The following TPTE2 variants were observed in gnomAD, a reference collection of about 807,000 sequenced individuals.
TPTE2 encodes the protein phosphatidylinositol 3,4,5-trisphosphate 3-phosphatase TPTE2.
In TPTE2, 53 loss-of-function variants were observed where a neutral mutation model predicts 78.6. The observed-to-expected ratio is 0.67, with a 90% CI of 0.54 to 0.85. TPTE2 has a LOEUF of 0.85. TPTE2 is among the 40% of genes least tolerant of loss of function. The pLI is 0.00. For synonymous variants in TPTE2, 175 were observed against 206.2 expected (o/e 0.85, Z 1.30); for missense variants, 461 against 623.0 (o/e 0.74, Z 2.77).
the TPTE2 span, chr13:19,561,153 C>T: frequency 6.3e-7 from 1 of 1,595,256 alleles, no homozygotes; most frequent in South Asian, 1.1e-5. Context: ...GGGGCCAGGG[C>T]CACAGGAGGC....
At chr13:19,493,713 A>G in intron 1 of TPTE2, 1 of 612,658 alleles carries the variant, frequency 1.6e-6, no homozygotes, top group Non-Finnish European at 3.0e-6. Flanking sequence ...GGAAAATTGT[A>G]ATGCTTCCCG....
chr13:19,547,192 C>G, the TPTE2 span, among the ~76,000 whole-genome samples: 2 of 152,076 alleles, frequency 1.3e-5, no homozygotes, highest in African/African-American at 4.8e-5. Flanking sequence ...GAACGTGGCC[C>G]ACGCCTGTAA....
At chr13:19,479,136 T>C (rs980962955) in intron 4 of TPTE2, among the ~76,000 whole-genome samples, 1 of 152,184 alleles carries the variant, frequency 6.6e-6, no homozygotes, top group Non-Finnish European at 1.5e-5. Flanking sequence ...TGTGCACATG[T>C]ACCCTAGAAC....
intron 3 of TPTE2, among the ~76,000 whole-genome samples, chr13:19,485,018 T>C (rs941024086): frequency 2.0e-5 from 3 of 152,194 alleles, no homozygotes; most frequent in African/African-American, 7.2e-5. Context: ...TCCAACATTT[T>C]ATTGTTTTCT....
At chr13:19,553,589 C>T in the TPTE2 span, among the ~76,000 whole-genome samples, 42 of 152,172 alleles carry the variant, frequency 2.8e-4, no homozygotes, top group Non-Finnish European at 4.7e-4. Flanking sequence ...AAATGTGATA[C>T]ATTCATACAA....
At chr13:19,551,499 T>C in the TPTE2 span, among the ~76,000 whole-genome samples, 1 of 151,934 alleles carries the variant, frequency 6.6e-6, no homozygotes, top group Non-Finnish European at 1.5e-5. Context: ...GGATTGAGAA[T>C]TGCTTGAACC....
At chr13:19,503,080 G>A in intron 1 of TPTE2, 144 bp downstream of exon 4, 2 of 1,132,554 alleles carry the variant, frequency 1.8e-6, no homozygotes, top group Non-Finnish European at 1.3e-6. Context: ...GTGTGCATGG[G>A]TTAGTGGATG....
At chr13:19,428,899 G>A (rs1876347067) in intron 17 of TPTE2, among the ~76,000 whole-genome samples, 1 of 152,188 alleles carries the variant, frequency 6.6e-6, no homozygotes, top group Admixed American at 6.5e-5. Context: ...CATCTTCAGA[G>A]CTCGAGCCAA....
intron 1 of TPTE2, among the ~76,000 whole-genome samples, chr13:19,527,648 G>C (rs1398270412): frequency 6.6e-6 from 1 of 152,100 alleles, no homozygotes; most frequent in African/African-American, 2.4e-5. Context: ...ACCAAGGCAG[G>C]CACATCACTT....
chr13:19,521,481 CT>C (rs1870149409), intron 1 of TPTE2, among the ~76,000 whole-genome samples: 1 of 151,898 alleles, frequency 6.6e-6, no homozygotes, highest in African/African-American at 2.4e-5. Flanking sequence ...AAACAAGTCT[CT>C]TATAGACAGC....
chr13:19,472,211 T>C (rs1429198571), intron 6 of TPTE2, among the ~76,000 whole-genome samples: 1 of 152,192 alleles, frequency 6.6e-6, no homozygotes, highest in Non-Finnish European at 1.5e-5. Flanking sequence ...ATTGATATCT[T>C]TCTGTAGGTT....
chr13:19,545,855 T>C, the TPTE2 span, among the ~76,000 whole-genome samples: 1 of 152,210 alleles, frequency 6.6e-6, no homozygotes, highest in Non-Finnish European at 1.5e-5. Flanking sequence ...AAATCTACTC[T>C]TGCTTTTTAT....
chr13:19,497,956 G>A (rs1881494010), intron 1 of TPTE2, among the ~76,000 whole-genome samples: 1 of 151,812 alleles, frequency 6.6e-6, no homozygotes, highest in African/African-American at 2.4e-5. Flanking sequence ...AGTGCTTAAA[G>A]GAGCTGACGG....
chr13:19,494,132 C>T (rs959377301), intron 1 of TPTE2, among the ~76,000 whole-genome samples: 3 of 152,208 alleles, frequency 2.0e-5, no homozygotes, highest in African/African-American at 7.2e-5. Flanking sequence ...TCTGCTATGT[C>T]TGGTACACAG....
intron 1 of TPTE2, among the ~76,000 whole-genome samples, chr13:19,500,038 T>C (rs1278002278): frequency 3.3e-5 from 5 of 149,748 alleles, no homozygotes; most frequent in African/African-American, 7.4e-5. Flanking sequence ...GCAAATAAAC[T>C]AGAAAATCTA....
intron 4 of TPTE2, among the ~76,000 whole-genome samples, 157 bp downstream of exon 7, chr13:19,482,331 A>G (rs556341862): frequency 6.6e-6 from 1 of 152,222 alleles, no homozygotes; most frequent in South Asian, 2.1e-4. Flanking sequence ...CTTGTCTAAG[A>G]ATTCAACTGG....
At chr13:19,520,238 T>G (rs1870067938) in intron 1 of TPTE2, among the ~76,000 whole-genome samples, 2 of 152,038 alleles carry the variant, frequency 1.3e-5, no homozygotes, top group South Asian at 4.1e-4. Flanking sequence ...ATTTCTTTTC[T>G]GTGGTTGGTT....
chr13:19,541,188 A>T (rs1871427769), upstream of TPTE2, among the ~76,000 whole-genome samples: 1 of 152,212 alleles, frequency 6.6e-6, no homozygotes, highest in Non-Finnish European at 1.5e-5. Context: ...CAGGTGGCTC[A>T]TTCACAGGCC....
At chr13:19,441,553 AG>A (rs1224700993) in intron 13 of TPTE2, among the ~76,000 whole-genome samples, 1 of 152,248 alleles carries the variant, frequency 6.6e-6, no homozygotes, top group African/African-American at 2.4e-5. Flanking sequence ...TGATTAAAGA[AG>A]TCATACCTTA....
Sources: gnomAD v4.1 joint callset for allele counts (sites outside exome capture counted in the v4.1 genomes callset) on GRCh38, gnomAD v4.1.1 for gene constraint, MANE v1.5 for transcripts, NCBI Gene and HGNC (gene_info 2026-07-23, HGNC 2026-07-21) for gene names.